MROH7: variants seen among roughly 807,000 people sequenced by gnomAD.
The protein encoded by MROH7 is maestro heat like repeat family member 7, also known as maestro heat-like repeat-containing protein family member 7.
Under a neutral mutation model 129.2 loss-of-function variants are expected in MROH7, and 113 were observed. The observed-to-expected ratio is 0.87, with a 90% CI of 0.75 to 1.02. The LOEUF is 1.02. Among genes scored for constraint, MROH7 ranks in the 50% least tolerant of loss-of-function variants. MROH7 has a pLI of 0.00. For synonymous variants in MROH7, 655 were observed against 667.9 expected (o/e 0.98, Z 0.30); for missense variants, 1,601 against 1,671.3 (o/e 0.96, Z 0.73).
intron 10 of MROH7, among the ~76,000 whole-genome samples, chr1:54,676,074 A>C (rs1644976192): frequency 6.6e-6 from 1 of 152,232 alleles, no homozygotes; most frequent in African/African-American, 2.4e-5. Flanking sequence ...AACAATGGGT[A>C]ATTTTTAGTA....
chr1:54,695,527 C>T (rs1248254905), intron 17 of MROH7, 37 bp downstream of exon 17: 2 of 1,376,414 alleles, frequency 1.5e-6, no homozygotes, highest in Non-Finnish European at 2.1e-6. Context: ...GCGGGAGCTC[C>T]TCCCGGGCCT....
At chr1:54,697,500 TG>T (rs541389226) in intron 17 of MROH7, 393 of 527,320 alleles carry the variant, frequency 7.5e-4, no homozygotes, top group Admixed American at 1.4e-3. Flanking sequence ...TCGGGAGTCC[TG>T]GGTTCCAGCC....
At chr1:54,661,611 T>A (rs1052113912) in intron 3 of MROH7, among the ~76,000 whole-genome samples, 5 of 145,790 alleles carry the variant, frequency 3.4e-5, no homozygotes, top group African/African-American at 1.3e-4. Context: ...TTTGTTTATT[T>A]TGAGACAGAG....
chr1:54,688,548 G>T (rs549828497), intron 15 of MROH7, among the ~76,000 whole-genome samples: 45 of 152,250 alleles, frequency 3.0e-4, no homozygotes, highest in African/African-American at 1.0e-3. Flanking sequence ...TCAAATCGTG[G>T]CTTCATCACC....
chr1:54,653,165 C>T lies in MROH7; in HGVS notation c.239C>T (p.Thr80Ile). 6.2e-7 allele frequency: 1 copy of T among 1,614,146 alleles called. No individual in the cohort carries two copies. The highest frequency in any genetic ancestry group is 8.5e-7 in the Non-Finnish European group (1 of 1,180,018). ...GCCTCAGGCCTGGTGTCTGAAAACA[C>T]CCCCAGACCTGATGACAGCAGAGCT... is the stretch of plus-strand genomic sequence containing the variant. The part of the protein sequence containing the change: ...GEASGLVSEN[T>I]PRPDDSRAIA... The change falls in exon 3 of 24, where the codon ACC becomes ATC. Residue 80 changes from threonine (T) to isoleucine (I), a missense_variant. Thr to Ile is a moderately conservative substitution (Grantham distance 89). Transcript: ENST00000421030.
chr1:54,687,669 A>G (rs1185605336), intron 15 of MROH7, among the ~76,000 whole-genome samples: 1 of 152,106 alleles, frequency 6.6e-6, no homozygotes, highest in African/African-American at 2.4e-5. Context: ...TGACTCCTAA[A>G]ACATCCAGTT....
chr1:54,696,225 C>T (rs913108857), intron 17 of MROH7, among the ~76,000 whole-genome samples: 3 of 152,100 alleles, frequency 2.0e-5, no homozygotes, highest in Non-Finnish European at 4.4e-5. Context: ...CCCAAGACCG[C>T]ACAGCTTGTA....
chr1:54,672,150 G>C (rs2101111366), intron 7 of MROH7, among the ~76,000 whole-genome samples: 1 of 152,154 alleles, frequency 6.6e-6, no homozygotes, highest in Non-Finnish European at 1.5e-5. Flanking sequence ...GAAGACTGGG[G>C]TTGTGGGGGT....
intron 10 of MROH7, among the ~76,000 whole-genome samples, chr1:54,677,655 C>A (rs12137621): frequency 0.23 from 34,644 of 152,000 alleles, 4,154 homozygotes; most frequent in East Asian, 0.34. Context: ...GAACACTCTG[C>A]CTTGGTGGCC....
chr1:54,708,897 T>C (rs745416150), intron 22 of MROH7, 117 bp from the exon 23 acceptor site: 67 of 837,332 alleles, frequency 8.0e-5, no homozygotes, highest in Non-Finnish European at 1.3e-4. Context: ...TGTGTTCTCA[T>C]GTGTGGGGCT....
intron 3 of MROH7, among the ~76,000 whole-genome samples, chr1:54,655,877 G>T (rs1245206810): frequency 1.3e-5 from 2 of 149,328 alleles, no homozygotes; most frequent in African/African-American, 4.9e-5. Flanking sequence ...TGGGCTAATC[G>T]TAGATACTTT....
chr1:54,670,345 C>T (rs1188283898), intron 5 of MROH7, 152 bp from the exon 6 acceptor site: 14 of 631,304 alleles, frequency 2.2e-5, no homozygotes, highest in Non-Finnish European at 4.0e-5. Context: ...TGGCATGAGC[C>T]TATAGTCCCA....
chr1:54,677,919 T>C (rs931370466), intron 10 of MROH7, among the ~76,000 whole-genome samples: 2 of 152,130 alleles, frequency 1.3e-5, no homozygotes, highest in Non-Finnish European at 2.9e-5. Flanking sequence ...AAGTAACACA[T>C]ATAGCAAGTC....
intron 10 of MROH7, among the ~76,000 whole-genome samples, chr1:54,676,110 A>T (rs1644976522): frequency 6.6e-6 from 1 of 152,174 alleles, no homozygotes; most frequent in Non-Finnish European, 1.5e-5. Flanking sequence ...TTCACTAAAA[A>T]TGATTTGTTT....
chr1:54,709,809 G>T (rs2101260186), intron 23 of MROH7, 137 bp from the exon 24 acceptor site: 2 of 1,054,562 alleles, frequency 1.9e-6, no homozygotes, highest in East Asian at 2.4e-5. Flanking sequence ...AATTTGAATT[G>T]CCAGGAGGAA....
Position 54,653,054 on chromosome 1 carries a change from A to G in MROH7, c.128A>G (p.Gln43Arg). Residue 43 changes from glutamine (Q) to arginine (R), a missense_variant, in exon 3 of 24, where the codon CAG becomes CGG. Coordinates refer to ENST00000421030, the MANE Select transcript of MROH7 (RefSeq NM_001039464.4). ...CCTCAGCCCCACCCAGACATGGCTC[A>G]GGTGCCTATGTTGAATCTGCTCCCA... ...TIPQPHPDMA[Q>R]VPMLNLLPSP... 2 of 1,614,118 alleles carry G rather than the reference A, an allele frequency of 1.2e-6. No individual in the cohort carries two copies. The highest frequency in any genetic ancestry group is 1.7e-6 in the Non-Finnish European group (2 of 1,179,992).
At position 54,682,785 on chromosome 1, in the gene MROH7, G is replaced by T; in HGVS notation, c.2511G>T (p.Val837=). 6.2e-7 allele frequency: 1 copy of T among 1,611,672 alleles called. No homozygotes were observed. Among genetic ancestry groups the T allele is most frequent in the Non-Finnish European group, 8.5e-7 (1 of 1,179,698 alleles). ...CCAAGGAGGGCCGGGCTTCCATCGT[G>T]CCCCTGGCGGTGAGCACCCAGTCAG... ...PVTKEGRASI[V]PLAAASGLCE... The change falls in exon 14 of 24, where the codon GTG becomes GTT. Residue 837 remains valine (V), a synonymous_variant. Transcript: ENST00000421030.
In MROH7 at chr1:54,703,544, T is replaced by A. The variant is rs1488261460; in HGVS notation, c.3564+799T>A. ...GAGGAAATGTGTTCATGGTTCTTCA[T>A]ATAATAGTTTCCCAAACTTATTTAA... On this transcript the variant is annotated intron_variant, in intron 21 of 23. Transcript: ENST00000421030. This position sits in a 1 kb window ranked among gnomAD's most constrained non-coding sequence, Gnocchi z 4.4. 6.6e-6 allele frequency among the ~76,000 whole-genome samples: 1 copy of A among 152,020 alleles called. No individual in the cohort carries two copies. Among genetic ancestry groups the A allele is most frequent in the Non-Finnish European group, 1.5e-5 (1 of 68,014 alleles).
chr1:54,671,406 A>C (rs1044567445), intron 7 of MROH7, among the ~76,000 whole-genome samples: 3 of 152,198 alleles, frequency 2.0e-5, no homozygotes, highest in African/African-American at 7.2e-5. Context: ...TCTCAAAACA[A>C]AATGAAACAA....
Sources: allele counts gnomAD v4.1 joint callset (sites outside exome capture counted in the v4.1 genomes callset), GRCh38; gene constraint gnomAD v4.1.1; non-coding constraint Gnocchi (gnomAD v3.1); transcripts MANE v1.5; gene names NCBI Gene and HGNC (gene_info 2026-07-23, HGNC 2026-07-21).